Variants in TXNDC16 observed in about 807,000 individuals in gnomAD.
TXNDC16 encodes the protein thioredoxin domain-containing protein 16.
In TXNDC16, 74 loss-of-function variants were observed where a neutral mutation model predicts 85.6. The ratio of observed to expected loss-of-function variants is 0.86; its 90% CI spans 0.72 to 1.05. The LOEUF is 1.05. TXNDC16 is among the 50% of genes least tolerant of loss of function. The pLI is 0.00. For synonymous variants in TXNDC16, 335 were observed against 326.5 expected, an observed-to-expected ratio of 1.03 and a Z score of -0.28; for missense variants, 959 against 947.0, an observed-to-expected ratio of 1.01 and a Z score of -0.17.
At chr14:52,544,797 A>C (rs979531365) in intron 1 of TXNDC16, among the ~76,000 whole-genome samples, 2 of 152,064 alleles carry the variant, frequency 1.3e-5, no homozygotes, top group Non-Finnish European at 2.9e-5. Context: ...ATTTGCCATC[A>C]ATTTTTAATA....
chr14:52,492,304 G>A (rs2036425890), intron 9 of TXNDC16, among the ~76,000 whole-genome samples: 1 of 152,130 alleles, frequency 6.6e-6, no homozygotes, highest in African/African-American at 2.4e-5. Flanking sequence ...GGGGGACTGA[G>A]TAACCCCAAA....
At chr14:52,470,383 TA>T in intron 15 of TXNDC16, 128 bp downstream of exon 15, 1 of 1,158,822 alleles carries the variant, frequency 8.6e-7, no homozygotes, top group Non-Finnish European at 1.2e-6. Flanking sequence ...CAGACTTTCA[TA>T]AATATTCATT....
chr14:52,512,409 T>TA (rs1359896878), intron 8 of TXNDC16, among the ~76,000 whole-genome samples: 1 of 151,866 alleles, frequency 6.6e-6, no homozygotes, highest in African/African-American at 2.4e-5. Context: ...TCGCAGAGCT[T>TA]AAAAAACAAA....
At chr14:52,508,629 C>A (rs1309929248) in intron 9 of TXNDC16, among the ~76,000 whole-genome samples, 1 of 152,102 alleles carries the variant, frequency 6.6e-6, no homozygotes, top group African/African-American at 2.4e-5. Context: ...ATGTTTACTG[C>A]GGCACTATTC....
chr14:52,531,037 T>A (rs2140214872), intron 6 of TXNDC16, among the ~76,000 whole-genome samples: 1 of 152,016 alleles, frequency 6.6e-6, no homozygotes, highest in African/African-American at 2.4e-5. Context: ...CTTGACCTCA[T>A]CATAGATAGA....
At chr14:52,469,346 CA>C (rs980221572) in intron 16 of TXNDC16, among the ~76,000 whole-genome samples, 9 of 116,854 alleles carry the variant, frequency 7.7e-5, no homozygotes, top group Non-Finnish European at 3.6e-5. Flanking sequence ...GATCTCGTCT[CA>C]AAAAAAAAAA....
chr14:52,530,926 G>C lies in TXNDC16; in HGVS notation c.392+5793C>G, dbSNP rs1208862318. 2.0e-5 allele frequency among the ~76,000 whole-genome samples: 3 copies of C among 151,786 alleles called. No homozygotes were observed. In the East Asian group the frequency reaches 5.8e-4, roughly 29 times the overall value. On this transcript the variant is annotated intron_variant, in intron 6 of 20. Coordinates refer to ENST00000281741, the MANE Select transcript of TXNDC16 (RefSeq NM_020784.3). ...AAGCAACAAACTGGCTTGTCTGGGA[G>C]AAAATACTTGTGAAAAATATATCTG...
chr14:52,449,485 C>G (rs1054631376), intron 18 of TXNDC16, among the ~76,000 whole-genome samples: 6 of 152,046 alleles, frequency 3.9e-5, no homozygotes, highest in Non-Finnish European at 4.4e-5. Context: ...GAGATAAACT[C>G]CAACACAATA....
At chr14:52,546,167 G>C (rs1027588547) in intron 1 of TXNDC16, among the ~76,000 whole-genome samples, 9 of 152,012 alleles carry the variant, frequency 5.9e-5, no homozygotes, top group Non-Finnish European at 1.2e-4. Flanking sequence ...CACACCTGTA[G>C]TCTCAGCTAC....
At chr14:52,521,461 T>C (rs1210568311) in intron 6 of TXNDC16, among the ~76,000 whole-genome samples, 1 of 152,110 alleles carries the variant, frequency 6.6e-6, no homozygotes, top group Non-Finnish European at 1.5e-5. Flanking sequence ...TCGGACTAAA[T>C]AGAAGACAGC....
intron 9 of TXNDC16, among the ~76,000 whole-genome samples, chr14:52,510,401 A>T (rs2036926973): frequency 6.6e-6 from 1 of 152,228 alleles, no homozygotes; most frequent in Admixed American, 6.5e-5. Flanking sequence ...CTAGTTTCAC[A>T]TCAGTTTCAT....
At chr14:52,498,295 C>T (rs2036578842) in intron 9 of TXNDC16, among the ~76,000 whole-genome samples, 1 of 151,990 alleles carries the variant, frequency 6.6e-6, no homozygotes, top group Non-Finnish European at 1.5e-5. Flanking sequence ...AAGTCCTAGC[C>T]ACACCAATTA....
chr14:52,463,737 C>T (rs969912823), intron 16 of TXNDC16, among the ~76,000 whole-genome samples: 2 of 152,156 alleles, frequency 1.3e-5, no homozygotes, highest in East Asian at 3.8e-4. Context: ...TTAGTCTGAA[C>T]TTAAAATATA....
intron 6 of TXNDC16, among the ~76,000 whole-genome samples, chr14:52,524,017 T>C (rs923478834): frequency 1.3e-5 from 2 of 152,240 alleles, no homozygotes; most frequent in Admixed American, 6.5e-5. Flanking sequence ...TTTTTTCTTA[T>C]AATTTCCCAG....
At chr14:52,433,637 G>T (rs1327900295) in intron 20 of TXNDC16, among the ~76,000 whole-genome samples, 4 of 152,148 alleles carry the variant, frequency 2.6e-5, no homozygotes, top group African/African-American at 7.2e-5. Flanking sequence ...ATGCAGTACA[G>T]CTGTACTTTG....
chr14:52,470,325 G>C, intron 15 of TXNDC16, 152 bp from the exon 16 acceptor site: 1 of 916,804 alleles, frequency 1.1e-6, no homozygotes. Flanking sequence ...AAGAAAATCA[G>C]ACTCATTAAA....
intron 6 of TXNDC16, among the ~76,000 whole-genome samples, chr14:52,521,120 C>CT (rs1555341257): frequency 2.1e-4 from 31 of 148,376 alleles, no homozygotes; most frequent in South Asian, 4.3e-4. Flanking sequence ...TGGTGTTTTA[C>CT]TTTTTTTTTT....
chr14:52,468,992 C>T (rs987076870), intron 16 of TXNDC16, among the ~76,000 whole-genome samples: 2 of 151,686 alleles, frequency 1.3e-5, no homozygotes, highest in Non-Finnish European at 2.9e-5. Flanking sequence ...TACAAAGACT[C>T]AAAAATATTC....
intron 1 of TXNDC16, among the ~76,000 whole-genome samples, chr14:52,545,326 A>G (rs999992468): frequency 6.6e-6 from 1 of 152,190 alleles, no homozygotes; most frequent in Non-Finnish European, 1.5e-5. Context: ...AAACAAGATT[A>G]TATATGTGAA....
Sources: gnomAD v4.1 joint callset for allele counts (sites outside exome capture counted in the v4.1 genomes callset) on GRCh38, gnomAD v4.1.1 for gene constraint, MANE v1.5 for transcripts, NCBI Gene and HGNC (gene_info 2026-07-23, HGNC 2026-07-21) for gene names.